Variants in TMEM272 observed in about 807,000 individuals in gnomAD.
TMEM272 encodes long intergenic non-protein coding RNA 282.
A neutral mutation model predicts 3.7 loss-of-function variants in TMEM272; 8 were observed. The observed-to-expected ratio is 2.17, with a 90% CI of 1.27 to 3.91. TMEM272 has a LOEUF of 3.91. Ranked by LOEUF, TMEM272 falls within the 30% of genes most tolerant of loss-of-function variation. TMEM272 has a pLI of 0.00. For synonymous variants in TMEM272, 63 were observed against 39.8 expected, an observed-to-expected ratio of 1.58 and a Z score of -2.20; for missense variants, 166 against 91.5, an observed-to-expected ratio of 1.81 and a Z score of -3.32.
chr13:51,831,885 GT>G (rs891825589), intron 2 of TMEM272, among the ~76,000 whole-genome samples: 1 of 152,256 alleles, frequency 6.6e-6, no homozygotes, highest in Non-Finnish European at 1.5e-5. Flanking sequence ...TGCCATGAGA[GT>G]CTCCATCTAG....
intron 1 of TMEM272, among the ~76,000 whole-genome samples, chr13:51,839,032 G>T (rs1194033506): frequency 6.6e-6 from 1 of 152,086 alleles, no homozygotes; most frequent in Non-Finnish European, 1.5e-5. Flanking sequence ...ACTTGATCCA[G>T]GTATGGCTCC....
At chr13:51,828,453 C>A (rs1566342635) in intron 2 of TMEM272, among the ~76,000 whole-genome samples, 1 of 152,150 alleles carries the variant, frequency 6.6e-6, no homozygotes, top group Non-Finnish European at 1.5e-5. Flanking sequence ...CAAAGAGACC[C>A]GAGAAGTTGC....
chr13:51,888,639 CTTTTTTTTTTT>C, the TMEM272 span, among the ~76,000 whole-genome samples: 3 of 76,794 alleles, frequency 3.9e-5, no homozygotes, highest in Admixed American at 1.9e-4. Context: ...TTTTCTTTTT[CTTTTTTTTTTT>C]TTTTTTTTTT....
At chr13:51,910,613 C>T in the TMEM272 span, 1 of 595,394 alleles carries the variant, frequency 1.7e-6, no homozygotes, top group Non-Finnish European at 3.2e-6. Flanking sequence ...TAGCCCTAGG[C>T]TCCTCCATAG....
At chr13:51,832,572 C>T (rs1956182420) in intron 2 of TMEM272, among the ~76,000 whole-genome samples, 1 of 152,092 alleles carries the variant, frequency 6.6e-6, no homozygotes, top group Admixed American at 6.5e-5. Context: ...TTCCACCTCC[C>T]TGTATCTGTA....
chr13:51,894,283 C>G, the TMEM272 span, among the ~76,000 whole-genome samples: 9 of 152,170 alleles, frequency 5.9e-5, no homozygotes, highest in African/African-American at 2.2e-4. Flanking sequence ...CAGCTCTCCA[C>G]ACCTCATGTG....
chr13:51,921,788 C>T, the TMEM272 span, among the ~76,000 whole-genome samples: 1 of 152,228 alleles, frequency 6.6e-6, no homozygotes, highest in Non-Finnish European at 1.5e-5. Flanking sequence ...CATGTGCCCC[C>T]TGCTCTCCCC....
chr13:51,925,135 CTCTT>C, the TMEM272 span, among the ~76,000 whole-genome samples: 4 of 152,214 alleles, frequency 2.6e-5, no homozygotes, highest in Non-Finnish European at 2.9e-5. Flanking sequence ...CACTGTTTAG[CTCTT>C]TCTTAGTTGC....
At chr13:51,924,210 T>C in the TMEM272 span, among the ~76,000 whole-genome samples, 1 of 152,022 alleles carries the variant, frequency 6.6e-6, no homozygotes, top group Non-Finnish European at 1.5e-5. Context: ...TATTCAGATG[T>C]CCTTTGGACT....
At chr13:51,852,168 C>G in the TMEM272 span, among the ~76,000 whole-genome samples, 1 of 152,202 alleles carries the variant, frequency 6.6e-6, no homozygotes, top group African/African-American at 2.4e-5. Flanking sequence ...TATTGTCAAA[C>G]TTTTGGATTT....
At chr13:51,908,327 T>C in the TMEM272 span, 1 of 1,381,716 alleles carries the variant, frequency 7.2e-7, no homozygotes, top group Non-Finnish European at 1.0e-6. Context: ...GGGGGCAAAA[T>C]CCAGGTCTTG....
the TMEM272 span, among the ~76,000 whole-genome samples, chr13:51,866,885 C>G: frequency 6.6e-6 from 1 of 152,184 alleles, no homozygotes; most frequent in African/African-American, 2.4e-5. Flanking sequence ...ATTATACATT[C>G]TTTTTGGGGG....
chr13:51,932,719 T>C, the TMEM272 span: 2 of 152,250 alleles, frequency 1.3e-5, no homozygotes, highest in Non-Finnish European at 2.9e-5. Flanking sequence ...GAAATGTTTT[T>C]GAAGTAGAAA....
At chr13:51,830,295 C>T (rs1294578370) in intron 2 of TMEM272, among the ~76,000 whole-genome samples, 3 of 152,218 alleles carry the variant, frequency 2.0e-5, no homozygotes, top group Non-Finnish European at 4.4e-5. Context: ...TTCACTACCT[C>T]CCAGCAGGGC....
the TMEM272 span, among the ~76,000 whole-genome samples, chr13:51,856,161 A>T: frequency 6.6e-6 from 1 of 152,184 alleles, no homozygotes; most frequent in Non-Finnish European, 1.5e-5. Flanking sequence ...CTGAGTCCAC[A>T]TTTGGGTGGG....
the TMEM272 span, among the ~76,000 whole-genome samples, chr13:51,850,684 A>G: frequency 1.3e-5 from 2 of 152,210 alleles, no homozygotes; most frequent in African/African-American, 2.4e-5. Flanking sequence ...TTTTAAAATC[A>G]TGAGTACTTT....
the TMEM272 span, among the ~76,000 whole-genome samples, chr13:51,863,691 AC>A: frequency 1.5e-5 from 2 of 130,996 alleles, no homozygotes; most frequent in African/African-American, 2.8e-5. Flanking sequence ...ACACACACAC[AC>A]ACACACACAC....
chr13:51,816,681 CTGTG>C lies in TMEM272; in HGVS notation c.*66_*69del, dbSNP rs772782749. On this transcript the variant is annotated 3_prime_UTR_variant, in exon 5 of 5. Coordinates refer to ENST00000629372, the MANE Select transcript of TMEM272 (RefSeq NM_001351003.2). ...TGTGTGTGTGTGTGTGTGTGTGCGT[CTGTG>C]TGTCTGTGTGCACGCGCGTGCATGC... 4.8e-6 allele frequency: 3 copies of C among 627,870 alleles called. No individual in the cohort carries two copies. In the African/African-American group the frequency reaches 5.6e-5, roughly 12 times the overall value. The allele number at this position is 627,870 out of a possible 1,614,324, so 38.9% of individuals were successfully genotyped here. A position where few individuals can be genotyped will look rare whatever the true frequency, so the allele number is the denominator to read the frequency against.
the TMEM272 span, among the ~76,000 whole-genome samples, chr13:51,893,580 CAAAAATCTCTTCCCCTGGCTCACACCGT>C: frequency 2.0e-4 from 31 of 152,096 alleles, no homozygotes; most frequent in African/African-American, 7.5e-4. Context: ...AGGAGCTGTA[CAAAAATCTCTTCCCCTGGCTCACACCGT>C]ATGCGCTTCT....
Sources: allele counts gnomAD v4.1 joint callset (sites outside exome capture counted in the v4.1 genomes callset), GRCh38; gene constraint gnomAD v4.1.1; transcripts MANE v1.5; gene names NCBI Gene and HGNC (gene_info 2026-07-23, HGNC 2026-07-21).